Variants in TMEM132D observed in about 807,000 individuals in gnomAD.
TMEM132D encodes the protein transmembrane protein 132D, also known as mature OL transmembrane protein.
In TMEM132D, 21 loss-of-function variants were observed where a neutral mutation model predicts 62.3. The ratio of observed to expected loss-of-function variants is 0.34; its 90% CI spans 0.24 to 0.49. The LOEUF (loss-of-function observed/expected upper bound fraction) is 0.49, where lower values mean the gene tolerates loss of function less well. Among genes scored for constraint, TMEM132D ranks in the 20% least tolerant of loss-of-function variants. The pLI is 0.99. For missense variants in TMEM132D, 1,346 were observed against 1,402.8 expected (o/e 0.96, Z 0.65); for synonymous variants, 621 against 575.6 (o/e 1.08, Z -1.13).
At chr12:129,259,533 G>A (rs1297693729) in intron 4 of TMEM132D, among the ~76,000 whole-genome samples, 1 of 152,212 alleles carries the variant, frequency 6.6e-6, no homozygotes. Context: ...GTAGTGCTGG[G>A]AGTGTGTTTT....
chr12:129,782,235 T>TGA (rs1871140014), intron 1 of TMEM132D, among the ~76,000 whole-genome samples: 1 of 152,186 alleles, frequency 6.6e-6, no homozygotes, highest in Non-Finnish European at 1.5e-5. Flanking sequence ...AAATTTCCTT[T>TGA]GAGCACCACG....
At chr12:129,688,788 A>T (rs1475308874) in intron 2 of TMEM132D, among the ~76,000 whole-genome samples, 1 of 152,108 alleles carries the variant, frequency 6.6e-6, no homozygotes, top group African/African-American at 2.4e-5. Flanking sequence ...GGAAAACTAA[A>T]TGATATGTGC....
At chr12:129,644,984 TAAAAAA>T (rs749612311) in intron 2 of TMEM132D, among the ~76,000 whole-genome samples, 4 of 63,404 alleles carry the variant, frequency 6.3e-5, no homozygotes, top group African/African-American at 2.5e-4. Flanking sequence ...ATAGTCCATC[TAAAAAA>T]AAAAAAAAAA....
chr12:129,461,207 C>G (rs1028014929), intron 3 of TMEM132D, among the ~76,000 whole-genome samples: 27 of 152,156 alleles, frequency 1.8e-4, no homozygotes, highest in African/African-American at 6.0e-4. Flanking sequence ...ACCACAGAGG[C>G]TTGCAGCTCA....
At chr12:129,359,340 G>A (rs1344682355) in intron 3 of TMEM132D, among the ~76,000 whole-genome samples, 1 of 152,134 alleles carries the variant, frequency 6.6e-6, no homozygotes, top group Admixed American at 6.5e-5. Flanking sequence ...GGTGATGGTG[G>A]TACAACATTA....
At chr12:129,301,407 C>T (rs1026933937) in intron 4 of TMEM132D, among the ~76,000 whole-genome samples, 15 of 151,916 alleles carry the variant, frequency 9.9e-5, no homozygotes, top group Non-Finnish European at 2.1e-4. Flanking sequence ...AACATTTGCT[C>T]AGTAAATGTT....
At chr12:129,148,914 C>T (rs778697144) in intron 5 of TMEM132D, among the ~76,000 whole-genome samples, 3 of 152,040 alleles carry the variant, frequency 2.0e-5, no homozygotes, top group East Asian at 1.9e-4. Flanking sequence ...TAAACAGCCC[C>T]GGATGGCGCT....
intron 3 of TMEM132D, among the ~76,000 whole-genome samples, chr12:129,394,177 T>TG (rs1042323816): frequency 2.0e-5 from 3 of 152,078 alleles, no homozygotes; most frequent in African/African-American, 7.2e-5. Context: ...CAGTGATGGG[T>TG]GGGAAAAAAA....
chr12:129,301,872 C>A (rs1186326116), intron 4 of TMEM132D, among the ~76,000 whole-genome samples: 1 of 152,032 alleles, frequency 6.6e-6, no homozygotes, highest in Admixed American at 6.5e-5. Flanking sequence ...CTCTTAAGCA[C>A]CATATTCTAT....
At chr12:129,632,478 C>T (rs1300649993) in intron 2 of TMEM132D, among the ~76,000 whole-genome samples, 4 of 152,158 alleles carry the variant, frequency 2.6e-5, no homozygotes, top group Non-Finnish European at 5.9e-5. Flanking sequence ...ATCCAGTCTT[C>T]GGAGTTCTGT....
intron 4 of TMEM132D, among the ~76,000 whole-genome samples, chr12:129,335,975 G>C (rs1869259714): frequency 6.6e-6 from 1 of 152,180 alleles, no homozygotes; most frequent in African/African-American, 2.4e-5. Flanking sequence ...CATCCCAGCA[G>C]CTATGTTGGA....
chr12:129,589,339 G>C (rs1002939689), intron 2 of TMEM132D, among the ~76,000 whole-genome samples: 1 of 152,016 alleles, frequency 6.6e-6, no homozygotes, highest in African/African-American at 2.4e-5. Context: ...ATGATTGTGA[G>C]GCCTCCCCAG....
intron 2 of TMEM132D, among the ~76,000 whole-genome samples, chr12:129,632,591 A>C (rs1266019165): frequency 6.6e-6 from 1 of 152,218 alleles, no homozygotes; most frequent in African/African-American, 2.4e-5. Flanking sequence ...ACTGGCCTGC[A>C]GACATGGCTG....
chr12:129,538,905 C>G lies in TMEM132D; in HGVS notation c.969-7700G>C, dbSNP rs112598778. On this transcript the variant is annotated intron_variant, in intron 2 of 8. Coordinates refer to ENST00000422113, the MANE Select transcript of TMEM132D (RefSeq NM_133448.3). Reference sequence around the variant, plus strand: ...GAAGGAACGTTGGCTACTAGGGACCCCTGGCGATAGGTCAGAAGGAGCGTT... The same window carrying G: ...GAAGGAACGTTGGCTACTAGGGACCGCTGGCGATAGGTCAGAAGGAGCGTT... Among the ~76,000 whole-genome samples the G allele has an allele frequency of 4.0e-3, 587 of 148,114 alleles. 7 individuals carry two copies. The Middle Eastern group carries it at 0.04, about 10-fold the overall frequency.
chr12:129,790,983 A>C lies in TMEM132D; in HGVS notation c.80-90285T>G, dbSNP rs553704027. 5.9e-5 allele frequency among the ~76,000 whole-genome samples: 9 copies of C among 152,376 alleles called. No individual in the cohort carries two copies. The South Asian group carries it at 1.9e-3, about 32-fold the overall frequency. On this transcript the variant is annotated intron_variant, in intron 1 of 8. Coordinates refer to ENST00000422113, the MANE Select transcript of TMEM132D (RefSeq NM_133448.3). ...CAATGGAAAGAAATTGAAAGCTGGCAATTGTCAGAGAGTCAAAAGTACTAA... is the reference window on the plus strand; with the variant it reads ...CAATGGAAAGAAATTGAAAGCTGGCCATTGTCAGAGAGTCAAAAGTACTAA...
At chr12:129,507,988 C>T (rs1027767919) in intron 3 of TMEM132D, among the ~76,000 whole-genome samples, 2 of 152,098 alleles carry the variant, frequency 1.3e-5, no homozygotes, top group African/African-American at 4.8e-5. Flanking sequence ...GCAGACTATC[C>T]TTCTTTTGTG....
intron 1 of TMEM132D, among the ~76,000 whole-genome samples, chr12:129,889,015 C>T (rs567681974): frequency 1.2e-4 from 18 of 152,146 alleles, no homozygotes; most frequent in Non-Finnish European, 2.5e-4. Flanking sequence ...TTTGATGGAA[C>T]TAAGAGAAAC....
At chr12:129,184,792 A>T (rs1878175987) in intron 5 of TMEM132D, among the ~76,000 whole-genome samples, 1 of 151,306 alleles carries the variant, frequency 6.6e-6, no homozygotes, top group East Asian at 2.0e-4. Flanking sequence ...TTTCTTAGAC[A>T]ATCACCTTTG....
At chr12:129,158,241 A>G (rs1877300750) in intron 5 of TMEM132D, among the ~76,000 whole-genome samples, 1 of 152,230 alleles carries the variant, frequency 6.6e-6, no homozygotes, top group Non-Finnish European at 1.5e-5. Flanking sequence ...ACACATGTAC[A>G]TTAGACCTAA....
Sources: gnomAD v4.1 joint callset for allele counts (sites outside exome capture counted in the v4.1 genomes callset) on GRCh38, gnomAD v4.1.1 for gene constraint, MANE v1.5 for transcripts, NCBI Gene and HGNC (gene_info 2026-07-23, HGNC 2026-07-21) for gene names.